HTR1F: variants seen among roughly 807,000 people sequenced by gnomAD.
HTR1F encodes the protein 5-hydroxytryptamine receptor 1F.
A neutral mutation model predicts 24.0 loss-of-function variants in HTR1F; 17 were observed. The ratio of observed to expected loss-of-function variants is 0.71; its 90% confidence interval spans 0.48 to 1.06. The LOEUF (loss-of-function observed/expected upper bound fraction) is 1.06, where lower values mean the gene tolerates loss of function less well. HTR1F is among the 50% of genes least tolerant of loss of function. The probability of loss-of-function intolerance (pLI) is 0.00; values close to 1 mark genes in which losing one functional copy is unlikely to be tolerated. For missense variants in HTR1F, 391 were observed against 427.8 expected (o/e 0.91, Z 0.76); for synonymous variants, 186 against 156.8 (o/e 1.19, Z -1.39).
At chr3:87,810,383 T>A (rs757371051) in intron 1 of HTR1F, among the ~76,000 whole-genome samples, 1 of 152,150 alleles carries the variant, frequency 6.6e-6, no homozygotes, top group Non-Finnish European at 1.5e-5. Context: ...ATTTTATGCT[T>A]GGCCAAATCA....
At chr3:87,828,171 G>A (rs963193816) in intron 2 of HTR1F, among the ~76,000 whole-genome samples, 1 of 152,096 alleles carries the variant, frequency 6.6e-6, no homozygotes, top group African/African-American at 2.4e-5. Context: ...CAAGAAGTGT[G>A]GTAATTTATA....
At chr3:87,933,543 A>C (rs916504234) in intron 2 of HTR1F, among the ~76,000 whole-genome samples, 4 of 151,354 alleles carry the variant, frequency 2.6e-5, no homozygotes. Flanking sequence ...AATCACAAGC[A>C]TTATTATACA....
intron 2 of HTR1F, among the ~76,000 whole-genome samples, chr3:87,988,104 T>A (rs561766048): frequency 2.0e-5 from 3 of 151,928 alleles, no homozygotes; most frequent in Admixed American, 6.6e-5. Context: ...GCTAGGAATG[T>A]AGATTTTAGA....
intron 1 of HTR1F, among the ~76,000 whole-genome samples, chr3:87,805,451 A>G (rs1451211745): frequency 2.0e-5 from 3 of 151,894 alleles, no homozygotes; most frequent in African/African-American, 7.3e-5. Flanking sequence ...AGTTCCACGC[A>G]TTTCTTATTT....
At chr3:87,813,504 C>T (rs915119680) in intron 1 of HTR1F, among the ~76,000 whole-genome samples, 8 of 152,124 alleles carry the variant, frequency 5.3e-5, no homozygotes, top group South Asian at 2.1e-4. Flanking sequence ...GGACTGTGGA[C>T]TTGTGAGTTA....
intron 1 of HTR1F, among the ~76,000 whole-genome samples, chr3:87,806,069 A>C (rs562280101): frequency 2.2e-4 from 33 of 152,088 alleles, no homozygotes; most frequent in Non-Finnish European, 4.0e-4. Flanking sequence ...TTCCATGCAC[A>C]TGACTGCAAA....
intron 2 of HTR1F, among the ~76,000 whole-genome samples, chr3:87,900,233 T>C (rs1309745774): frequency 6.6e-6 from 1 of 152,178 alleles, no homozygotes; most frequent in African/African-American, 2.4e-5. Flanking sequence ...GTGGATGGGA[T>C]GCCATTTAAA....
chr3:87,936,381 T>C (rs1576057167), intron 2 of HTR1F, among the ~76,000 whole-genome samples: 1 of 152,368 alleles, frequency 6.6e-6, no homozygotes, highest in South Asian at 2.1e-4. Flanking sequence ...GAAAGATTAA[T>C]AATTTTGCTT....
chr3:87,869,543 G>A (rs1705509944), intron 2 of HTR1F, among the ~76,000 whole-genome samples: 1 of 152,076 alleles, frequency 6.6e-6, no homozygotes, highest in Non-Finnish European at 1.5e-5. Flanking sequence ...GTCCTAAGAT[G>A]TTCAGGGTGA....
chr3:87,964,755 T>C (rs1043662063), intron 2 of HTR1F, among the ~76,000 whole-genome samples: 5 of 152,176 alleles, frequency 3.3e-5, no homozygotes, highest in African/African-American at 9.7e-5. Flanking sequence ...TTTCCAGTCC[T>C]CTGAGTAGCC....
Position 87,991,856 on chromosome 3 carries a change from A to T in HTR1F, c.*6A>T. The T allele has an allele frequency of 6.5e-7, 1 of 1,549,248 alleles. No individual in the cohort carries two copies. The highest frequency in any genetic ancestry group is 1.3e-5 in the South Asian group (1 of 79,564). ...TTGTGCGATGTCGATGTTAGTTTTA[A>T]AAATGTTTATTATTGAAGGATGGGG... On this transcript the variant is annotated 3_prime_UTR_variant, in exon 3 of 3. Coordinates refer to ENST00000319595, the MANE Select transcript of HTR1F (RefSeq NM_001322209.2).
chr3:87,882,006 T>G (rs1705814262), intron 2 of HTR1F, among the ~76,000 whole-genome samples: 1 of 151,952 alleles, frequency 6.6e-6, no homozygotes, highest in Non-Finnish European at 1.5e-5. Flanking sequence ...CTCAAACAAA[T>G]TTACAAGAAA....
At chr3:87,868,531 A>G (rs752869316) in intron 2 of HTR1F, among the ~76,000 whole-genome samples, 2 of 151,900 alleles carry the variant, frequency 1.3e-5, no homozygotes, top group Admixed American at 6.6e-5. Flanking sequence ...CTTTGAATAT[A>G]TTCTGTTTTT....
intron 2 of HTR1F, among the ~76,000 whole-genome samples, chr3:87,847,484 C>G (rs1173143180): frequency 6.6e-6 from 1 of 151,738 alleles, no homozygotes; most frequent in African/African-American, 2.4e-5. Flanking sequence ...ATGACCAAAT[C>G]AAGGTATTTG....
intron 1 of HTR1F, among the ~76,000 whole-genome samples, chr3:87,802,164 C>A (rs1303980790): frequency 9.9e-6 from 1 of 101,376 alleles, no homozygotes; most frequent in Non-Finnish European, 2.0e-5. Flanking sequence ...CTCCCTCCCT[C>A]CCTCCCTTCC....
At chr3:87,978,080 GC>G (rs1230840668) in intron 2 of HTR1F, among the ~76,000 whole-genome samples, 1 of 152,196 alleles carries the variant, frequency 6.6e-6, no homozygotes, top group East Asian at 1.9e-4. Flanking sequence ...GGGGCGGGCA[GC>G]TCCAGGAGCT....
chr3:87,889,420 T>G (rs1237081604), intron 2 of HTR1F, among the ~76,000 whole-genome samples: 10 of 152,198 alleles, frequency 6.6e-5, no homozygotes, highest in Admixed American at 6.6e-4. Flanking sequence ...TTATTTCATT[T>G]TTAGATTTTA....
chr3:87,933,389 A>C (rs1284694573), intron 2 of HTR1F, among the ~76,000 whole-genome samples: 1 of 152,082 alleles, frequency 6.6e-6, no homozygotes, highest in Non-Finnish European at 1.5e-5. Context: ...AAGGGTATTC[A>C]ATTAGGAAAA....
intron 2 of HTR1F, among the ~76,000 whole-genome samples, chr3:87,944,002 C>T (rs541280664): frequency 1.3e-5 from 2 of 152,206 alleles, no homozygotes; most frequent in African/African-American, 4.8e-5. Context: ...AGAGCCCCCT[C>T]TGTGGTCCTA....
Sources: allele counts gnomAD v4.1 joint callset (sites outside exome capture counted in the v4.1 genomes callset), GRCh38; gene constraint gnomAD v4.1.1; transcripts MANE v1.5; gene names NCBI Gene and HGNC (gene_info 2026-07-23, HGNC 2026-07-21).